Variants in TRPM8 observed in about 807,000 individuals in gnomAD.
TRPM8 encodes transient receptor potential cation channel subfamily M member 8.
A neutral mutation model predicts 133.7 loss-of-function variants in TRPM8; 110 were observed. The ratio of observed to expected loss-of-function variants is 0.82; its 90% CI spans 0.70 to 0.96. The LOEUF is 0.96. Ranked by LOEUF, TRPM8 falls within the 40% of genes least tolerant of loss-of-function variation. The pLI is 0.00. For missense variants in TRPM8, 1,291 were observed against 1,379.5 expected (o/e 0.94, Z 1.02); for synonymous variants, 535 against 532.3 (o/e 1.01, Z -0.07).
intron 1 of TRPM8, among the ~76,000 whole-genome samples, chr2:233,925,582 G>A (rs924687814): frequency 6.6e-6 from 1 of 152,172 alleles, no homozygotes; most frequent in African/African-American, 2.4e-5. Context: ...TCAGGCCGGG[G>A]AGGTGGAGAC....
At chr2:233,993,769 A>G (rs1296988795) in intron 21 of TRPM8, among the ~76,000 whole-genome samples, 1 of 152,150 alleles carries the variant, frequency 6.6e-6, no homozygotes, top group Non-Finnish European at 1.5e-5. Flanking sequence ...TGCCAGAGAG[A>G]ATGCTTTCCC....
At position 233,966,746 on chromosome 2, in the gene TRPM8, T is replaced by G. The variant is rs1319668552; in HGVS notation, c.2016T>G (p.Pro672=). 2 of 1,580,448 alleles carry G rather than the reference T, an allele frequency of 1.3e-6. No individual in the cohort carries two copies. Among genetic ancestry groups the G allele is most frequent in the Non-Finnish European group, 1.7e-6 (2 of 1,159,528 alleles). Residue 672 remains proline, a synonymous_variant, in exon 15 of 26, where the codon CCT becomes CCG. Transcript: ENST00000324695. ...EATDQHFIAQ[P]GVQNFLSKQW... is the part of the protein sequence containing the mutation. ...CAGACCAGCATTTCATCGCCCAGCCTGGGGTCCAGGTAAACCATACTCAGC... is the reference window on the plus strand; with the variant it reads ...CAGACCAGCATTTCATCGCCCAGCCGGGGGTCCAGGTAAACCATACTCAGC...
chr2:233,945,902 C>G lies in TRPM8; in HGVS notation c.746C>G (p.Pro249Arg), dbSNP rs1691030670. The part of the protein sequence containing the change: ...QYLMDDFTRD[P>R]LYILDNNHTH... ...CTTATGGATGACTTCACAAGAGATCCACTGTATATCCTGGACAACAACCAC... is the reference window on the plus strand; with the variant it reads ...CTTATGGATGACTTCACAAGAGATCGACTGTATATCCTGGACAACAACCAC... Residue 249 changes from proline (P) to arginine (R), a missense_variant, in exon 7 of 26, where the codon CCA (proline) becomes CGA (arginine). This residue lies in a region of TRPM8 where 963 missense variants were observed against 968.9 expected (regional missense o/e 0.99). Transcript: ENST00000324695. 2.5e-6 allele frequency: 4 copies of G among 1,614,114 alleles called. No homozygotes were observed. Among genetic ancestry groups the G allele is most frequent in the Non-Finnish European group, 3.4e-6 (4 of 1,179,990 alleles).
rs116253873 is a variant in TRPM8 at position 233,978,076 on chromosome 2, A to C, written c.2356-2112A>C. 4.8e-3 allele frequency among the ~76,000 whole-genome samples: 620 copies of C among 130,154 alleles called. 8 individuals are homozygous for C. The highest frequency in any genetic ancestry group is 0.017 in the African/African-American group (609 of 35,862). The allele number at this position is 130,154 out of a possible 152,430, so 85.4% of individuals were successfully genotyped here. ...ATCCTACTGTGTTCATCACCTTACAATTTGCTTTTTTTTTTTTTTAGAATT... is the reference window on the plus strand; with the variant it reads ...ATCCTACTGTGTTCATCACCTTACACTTTGCTTTTTTTTTTTTTTAGAATT... On this transcript the variant is annotated intron_variant, in intron 17 of 25. Coordinates refer to ENST00000324695, the MANE Select transcript of TRPM8 (RefSeq NM_024080.5).
chr2:233,939,872 T>G (rs568074268), intron 5 of TRPM8, among the ~76,000 whole-genome samples: 1 of 152,272 alleles, frequency 6.6e-6, no homozygotes, highest in African/African-American at 2.4e-5. Flanking sequence ...AGCATGCCCC[T>G]CCTGTGAGAG....
intron 17 of TRPM8, among the ~76,000 whole-genome samples, chr2:233,973,545 C>T (rs1054740543): frequency 2.0e-5 from 3 of 152,228 alleles, no homozygotes; most frequent in Non-Finnish European, 4.4e-5. Context: ...CACCCTACTT[C>T]AGCATGACTT....
intron 17 of TRPM8, among the ~76,000 whole-genome samples, chr2:233,971,280 A>G (rs1039661177): frequency 1.3e-5 from 2 of 152,208 alleles, no homozygotes; most frequent in African/African-American, 4.8e-5. Context: ...TTACAGAGTC[A>G]CTGACTCGTG....
In TRPM8 at chr2:233,920,469, G is replaced by T. The variant is rs574682079; in HGVS notation, c.-6+3037G>T. On this transcript the variant is annotated intron_variant, in intron 1 of 25. Coordinates refer to ENST00000324695, the MANE Select transcript of TRPM8 (RefSeq NM_024080.5). Reference sequence around the variant, plus strand: ...AATCCTAGAACTGGACAAATCCTTAGCTATCTCTCTGTGAAGGTCCCTTCC... The same window carrying T: ...AATCCTAGAACTGGACAAATCCTTATCTATCTCTCTGTGAAGGTCCCTTCC... Among the ~76,000 whole-genome samples, 3 of 152,298 alleles carry T rather than the reference G, an allele frequency of 2.0e-5. No homozygotes were observed. In the East Asian group the frequency reaches 5.8e-4, roughly 29 times the overall value.
chr2:233,925,920 T>C (rs1041535981), intron 1 of TRPM8, among the ~76,000 whole-genome samples: 3 of 151,854 alleles, frequency 2.0e-5, no homozygotes, highest in African/African-American at 4.8e-5. Flanking sequence ...CCGGGAAGCA[T>C]TGCATGACAG....
At chr2:234,015,973 T>C (rs1692946585) in intron 25 of TRPM8, among the ~76,000 whole-genome samples, 1 of 152,224 alleles carries the variant, frequency 6.6e-6, no homozygotes, top group Non-Finnish European at 1.5e-5. Flanking sequence ...AGAGTTGTAA[T>C]AATCAGAAGA....
At position 233,970,074 on chromosome 2, in the gene TRPM8, A is replaced by G. The variant is rs1691672595; in HGVS notation, c.2139-136A>G. On this transcript the variant is annotated intron_variant, in intron 16 of 25. Coordinates refer to ENST00000324695, the MANE Select transcript of TRPM8 (RefSeq NM_024080.5). ...CAAGGATTTAATTGGGGTTGGTTCC[A>G]TCTTAGGACACGGTTTTGCTCCCGT... 1.1e-5 allele frequency: 9 copies of G among 851,418 alleles called. No individual in the cohort carries two copies. The Admixed American group carries it at 1.1e-4, about 10-fold the overall frequency. 52.7% of individuals were successfully genotyped at this position (851,418 alleles called of 1,614,324 possible).
At chr2:233,950,203 G>C (rs1691142781) in intron 9 of TRPM8, 57 bp downstream of exon 9, 3 of 1,543,426 alleles carry the variant, frequency 1.9e-6, no homozygotes, top group Non-Finnish European at 2.6e-6. Flanking sequence ...TGGTGAGAAG[G>C]GAGAATGCCT....
intron 17 of TRPM8, among the ~76,000 whole-genome samples, chr2:233,977,818 G>T (rs985142366): frequency 2.0e-5 from 3 of 152,190 alleles, no homozygotes; most frequent in African/African-American, 7.2e-5. Context: ...TAGCACAAAT[G>T]AAAATATCAA....
chr2:233,927,762 CT>C (rs1209219345), intron 2 of TRPM8, among the ~76,000 whole-genome samples: 16 of 71,374 alleles, frequency 2.2e-4, no homozygotes, highest in African/African-American at 1.7e-3. Flanking sequence ...TTCTTTCTTT[CT>C]TTCTTTCTTT....
intron 25 of TRPM8, among the ~76,000 whole-genome samples, chr2:234,015,476 T>C (rs1424748700): frequency 1.3e-5 from 2 of 152,172 alleles, no homozygotes; most frequent in Non-Finnish European, 2.9e-5. Flanking sequence ...TGCTCAGTGC[T>C]CAGAACTGTG....
At position 233,964,859 on chromosome 2, in the gene TRPM8, G is replaced by A. The variant is rs1021246499; in HGVS notation, c.1879+102G>A. On this transcript the variant is annotated intron_variant, in intron 14 of 25. Transcript: ENST00000324695. Reference sequence around the variant, plus strand: ...ACCAGATGGTGGAGGTCCGTGGCATGTCCAAGCTCCCCAGTCTGATTGAGG... The same window carrying A: ...ACCAGATGGTGGAGGTCCGTGGCATATCCAAGCTCCCCAGTCTGATTGAGG... 55 of 1,288,022 alleles carry A rather than the reference G, an allele frequency of 4.3e-5. No homozygotes were observed. The East Asian group carries it at 1.2e-3, about 28-fold the overall frequency. The allele number at this position is 1,288,022 out of a possible 1,614,324, so 79.8% of individuals were successfully genotyped here.
At position 233,939,110 on chromosome 2, in the gene TRPM8, A is replaced by T. The variant is rs1467293105; in HGVS notation, c.461A>T (p.Asn154Ile). 1.2e-6 allele frequency: 2 copies of T among 1,614,088 alleles called. No individual in the cohort carries two copies. Among genetic ancestry groups the T allele is most frequent in the Admixed American group, 3.3e-5 (2 of 60,028 alleles). ...LVISVTGGAK[N>I]FALKPRMRKI... ...ATTTCTGTGACCGGGGGCGCCAAGAACTTCGCCCTGAAGCCGCGCATGCGC... is the reference window on the plus strand; with the variant it reads ...ATTTCTGTGACCGGGGGCGCCAAGATCTTCGCCCTGAAGCCGCGCATGCGC... The change falls in exon 5 of 26, where the codon AAC becomes ATC. Residue 154 changes from asparagine to isoleucine, a missense_variant. Transcript: ENST00000324695.
At position 233,968,674 on chromosome 2, in the gene TRPM8, G is replaced by C. The variant is rs537951110; in HGVS notation, c.2026-1021G>C. Reference sequence around the variant, plus strand: ...CCTAGCTAGCACTGAGAAGGCCCTGGGTTTCCCTTTTCCTCTGTTCCTGAG... The same window carrying C: ...CCTAGCTAGCACTGAGAAGGCCCTGCGTTTCCCTTTTCCTCTGTTCCTGAG... On this transcript the variant is annotated intron_variant, in intron 15 of 25. Transcript: ENST00000324695. Among the ~76,000 whole-genome samples the C allele has an allele frequency of 2.2e-4, 33 of 152,030 alleles. 1 individual carries two copies. Among genetic ancestry groups the C allele is most frequent in the African/African-American group, 7.2e-4 (30 of 41,488 alleles).
chr2:233,990,119 G>T (rs116241540), intron 21 of TRPM8, among the ~76,000 whole-genome samples: 2 of 152,206 alleles, frequency 1.3e-5, no homozygotes, highest in African/African-American at 4.8e-5. Context: ...AGAATAGAAA[G>T]AAGAGCGCAG....
Sources: allele counts gnomAD v4.1 joint callset (sites outside exome capture counted in the v4.1 genomes callset), GRCh38; gene constraint gnomAD v4.1.1; regional missense constraint gnomAD v4.1.1; transcripts MANE v1.5; gene names NCBI Gene and HGNC (gene_info 2026-07-23, HGNC 2026-07-21).